Variants in KIF13A observed in about 807,000 individuals in gnomAD.
KIF13A encodes kinesin family member 13A, also known as kinesin-like protein KIF13A.
KIF13A carries 79 observed loss-of-function variants against 212.2 expected under a neutral mutation model. The ratio of observed to expected loss-of-function variants is 0.37; its 90% CI spans 0.31 to 0.45. The LOEUF (loss-of-function observed/expected upper bound fraction) is 0.45. Among genes scored for constraint, KIF13A ranks in the 20% least tolerant of loss-of-function variants. The probability of loss-of-function intolerance (pLI) is 1.00; values close to 1 mark genes in which losing one functional copy is unlikely to be tolerated. For missense variants in KIF13A, 1,901 were observed against 2,209.0 expected (o/e 0.86, Z 2.79); for synonymous variants, 789 against 808.6 (o/e 0.98, Z 0.41).
At chr6:17,854,578 TG>T (rs2150404916) in intron 6 of KIF13A, among the ~76,000 whole-genome samples, 1 of 117,786 alleles carries the variant, frequency 8.5e-6, no homozygotes, top group East Asian at 2.8e-4. Context: ...TTTTTTGAGC[TG>T]GAGTCTCCCT....
At chr6:17,950,259 G>T (rs1777738950) in intron 2 of KIF13A, 4 of 291,528 alleles carry the variant, frequency 1.4e-5, no homozygotes, top group African/African-American at 2.3e-5. Context: ...ACAAATCTCT[G>T]CTTCCTCATA....
chr6:17,845,572 TA>T (rs1766944723), intron 9 of KIF13A, among the ~76,000 whole-genome samples: 1 of 152,216 alleles, frequency 6.6e-6, no homozygotes, highest in African/African-American at 2.4e-5. Context: ...CATTACTGAA[TA>T]AAATGGAACC....
At chr6:17,885,099 A>G (rs1440335416) in intron 3 of KIF13A, among the ~76,000 whole-genome samples, 1 of 151,904 alleles carries the variant, frequency 6.6e-6, no homozygotes, top group Non-Finnish European at 1.5e-5. Flanking sequence ...CCTGATATCA[A>G]AGTTGTGAAG....
intron 2 of KIF13A, among the ~76,000 whole-genome samples, chr6:17,969,178 C>A (rs185879075): frequency 6.6e-6 from 1 of 152,308 alleles, no homozygotes; most frequent in Non-Finnish European, 1.5e-5. Context: ...GCTCTGCTCT[C>A]AAGGAGTTTG....
intron 18 of KIF13A, among the ~76,000 whole-genome samples, chr6:17,807,926 C>T (rs1249829027): frequency 6.6e-6 from 1 of 152,174 alleles, no homozygotes; most frequent in Non-Finnish European, 1.5e-5. Context: ...TGATAAACAA[C>T]AACAGCAACA....
chr6:17,815,705 T>G (rs973082940), intron 17 of KIF13A: 3 of 336,104 alleles, frequency 8.9e-6, no homozygotes, highest in African/African-American at 2.1e-5. Context: ...TTAATGATAT[T>G]CATATATAAT....
At chr6:17,890,014 C>T (rs1042194579) in intron 3 of KIF13A, among the ~76,000 whole-genome samples, 12 of 151,782 alleles carry the variant, frequency 7.9e-5, no homozygotes, top group African/African-American at 2.9e-4. Context: ...CAGGGAAAAA[C>T]CCTGTCTTTA....
chr6:17,848,805 G>A (rs192378640), intron 9 of KIF13A, among the ~76,000 whole-genome samples: 2 of 152,076 alleles, frequency 1.3e-5, no homozygotes, highest in East Asian at 3.9e-4. Context: ...AAGGGGTTTT[G>A]TCACGTTGCC....
intron 3 of KIF13A, among the ~76,000 whole-genome samples, chr6:17,876,210 TC>T (rs1770543819): frequency 1.3e-5 from 2 of 152,078 alleles, no homozygotes; most frequent in South Asian, 4.2e-4. Flanking sequence ...ATTACAAACC[TC>T]CCATGGGCAG....
At position 17,828,969 on chromosome 6, in the gene KIF13A, A is replaced by G. The variant is rs1291313818; in HGVS notation, c.1402-599T>C. On this transcript the variant is annotated intron_variant, in intron 13 of 38. Coordinates refer to ENST00000259711, the MANE Select transcript of KIF13A (RefSeq NM_022113.6). This position sits in a 1 kb window ranked among gnomAD's most constrained non-coding sequence, Gnocchi z 4.3. Reference sequence around the variant, plus strand: ...AACGTGTGATTTTTTTTTTTTTGACATGGTGTCTCACTCTGTCACCCAGGC... The same window carrying G: ...AACGTGTGATTTTTTTTTTTTTGACGTGGTGTCTCACTCTGTCACCCAGGC... Among the ~76,000 whole-genome samples the G allele has an allele frequency of 6.8e-6, 1 of 148,004 alleles. No individual in the cohort carries two copies. The highest frequency in any genetic ancestry group is 1.5e-5 in the Non-Finnish European group (1 of 67,138).
intron 2 of KIF13A, among the ~76,000 whole-genome samples, chr6:17,974,576 T>C (rs965119829): frequency 6.6e-6 from 1 of 151,586 alleles, no homozygotes; most frequent in Non-Finnish European, 1.5e-5. Context: ...AATTCATGGG[T>C]ATTAGTAAAA....
rs1272848279 is a variant in KIF13A at position 17,805,621 on chromosome 6, T to A, written c.2164-6A>T. The A allele has an allele frequency of 2.0e-5, 32 of 1,592,472 alleles. No individual in the cohort carries two copies. The highest frequency in any genetic ancestry group is 2.7e-5 in the Non-Finnish European group (31 of 1,168,312). On this transcript the variant is annotated splice_polypyrimidine_tract_variant and splice_region_variant and intron_variant, in intron 18 of 38. Coordinates refer to ENST00000259711, the MANE Select transcript of KIF13A (RefSeq NM_022113.6). Reference sequence around the variant, plus strand: ...TCACTCACTATTGCACCTCTCTGCATAAGGAAGAAAAACAAAACAAACCCT... The same window carrying A: ...TCACTCACTATTGCACCTCTCTGCAAAAGGAAGAAAAACAAAACAAACCCT...
In KIF13A at chr6:17,825,358, G is replaced by A. The variant is rs1184016342; in HGVS notation, c.1786+410C>T. On this transcript the variant is annotated intron_variant, in intron 16 of 38. Transcript: ENST00000259711. The surrounding 1 kb of genome is among the most constrained non-coding windows in gnomAD (Gnocchi z 4.5). ...AATTGAGTTTATACTAAAATGCTGT[G>A]ACTTTTATCTTTCCATAGATTATAT... Among the ~76,000 whole-genome samples the A allele has an allele frequency of 6.6e-6, 1 of 152,096 alleles. No individual in the cohort carries two copies. Among genetic ancestry groups the A allele is most frequent in the African/African-American group, 2.4e-5 (1 of 41,400 alleles).
rs112404911 is a variant in KIF13A, at chr6:17,771,497, C to A, written c.4477-279G>T. The A allele has an allele frequency of 3.6e-5, 15 of 417,492 alleles. No homozygotes were observed. The highest frequency in any genetic ancestry group is 2.5e-4 in the African/African-American group (12 of 48,550). The allele number at this position is 417,492 out of a possible 1,614,324, so 25.9% of individuals were successfully genotyped here. On this transcript the variant is annotated intron_variant, in intron 37 of 38. Coordinates refer to ENST00000259711, the MANE Select transcript of KIF13A (RefSeq NM_022113.6). This position sits in a 1 kb window ranked among gnomAD's most constrained non-coding sequence, Gnocchi z 5.4. ...ATCCCAGTGCCTTGGGAGGCTGGGG[C>A]AAAAGAATCACTTGAGGCCAGGAGT...
At chr6:17,972,756 A>C (rs1184493761) in intron 2 of KIF13A, among the ~76,000 whole-genome samples, 2 of 152,028 alleles carry the variant, frequency 1.3e-5, no homozygotes, top group African/African-American at 4.8e-5. Context: ...AGACAATACA[A>C]AGGGCCAACA....
intron 34 of KIF13A, among the ~76,000 whole-genome samples, chr6:17,775,594 C>T (rs1025303815): frequency 1.1e-4 from 17 of 152,166 alleles, no homozygotes; most frequent in Non-Finnish European, 1.9e-4. Flanking sequence ...TTCTCATCAA[C>T]GAGCATAGTA....
chr6:17,847,106 A>T (rs940267182), intron 9 of KIF13A, among the ~76,000 whole-genome samples: 4 of 151,820 alleles, frequency 2.6e-5, no homozygotes, highest in Admixed American at 6.6e-5. Context: ...GTCATTCCAC[A>T]TCTACGCCAG....
chr6:17,862,483 T>C (rs1768892418), intron 4 of KIF13A, among the ~76,000 whole-genome samples: 1 of 152,142 alleles, frequency 6.6e-6, no homozygotes, highest in Admixed American at 6.5e-5. Context: ...TTGCAACAAT[T>C]TTGTGGCATA....
intron 2 of KIF13A, among the ~76,000 whole-genome samples, chr6:17,970,144 G>A (rs928859178): frequency 8.6e-5 from 13 of 151,432 alleles, no homozygotes; most frequent in African/African-American, 2.7e-4. Flanking sequence ...GGATGGTCTC[G>A]ATCTCCTGAC....
Sources: gnomAD v4.1 joint callset for allele counts (sites outside exome capture counted in the v4.1 genomes callset) on GRCh38, gnomAD v4.1.1 for gene constraint, Gnocchi (gnomAD v3.1) non-coding constraint, MANE v1.5 for transcripts, NCBI Gene and HGNC (gene_info 2026-07-23, HGNC 2026-07-21) for gene names.